The following ADAMTSL1 variants were observed in gnomAD, a reference collection of about 807,000 sequenced individuals.
ADAMTSL1 encodes ADAMTS-like protein 1.
Under a neutral mutation model 201.8 loss-of-function variants are expected in ADAMTSL1, and 126 were observed. The observed-to-expected ratio is 0.62, with a 90% CI of 0.54 to 0.72. The LOEUF is 0.72. Ranked by LOEUF, ADAMTSL1 falls within the 30% of genes least tolerant of loss-of-function variation. The pLI is 0.00. For missense variants in ADAMTSL1, 2,679 were observed against 2,277.8 expected (o/e 1.18, Z -3.59); for synonymous variants, 1,121 against 903.4 (o/e 1.24, Z -4.32).
chr9:18,101,809 C>G (rs1824535165), intron 1 of ADAMTSL1, among the ~76,000 whole-genome samples: 1 of 152,130 alleles, frequency 6.6e-6, no homozygotes, highest in Admixed American at 6.5e-5. Flanking sequence ...GCAGCTGGCC[C>G]TCGGCTCTAG....
At chr9:17,939,172 C>T (rs1755290) in intron 1 of ADAMTSL1, among the ~76,000 whole-genome samples, 97,812 of 152,036 alleles carry the variant, frequency 0.64, 31,805 homozygotes, top group East Asian at 0.94. Flanking sequence ...CCAGAAAATT[C>T]TCTTTATCTC....
intron 2 of ADAMTSL1, among the ~76,000 whole-genome samples, chr9:18,425,848 C>T (rs1819189512): frequency 7.3e-6 from 1 of 136,634 alleles, no homozygotes; most frequent in Non-Finnish European, 1.6e-5. Context: ...ACAGTAAGAT[C>T]CCTGTCTCAA....
chr9:18,407,950 C>T lies in ADAMTSL1; in HGVS notation c.208-96879C>T, dbSNP rs186486812. 3.7e-4 allele frequency among the ~76,000 whole-genome samples: 56 copies of T among 151,966 alleles called. No individual in the cohort carries two copies. In the East Asian group the frequency reaches 6.0e-3, roughly 16 times the overall value. On this transcript the variant is annotated intron_variant, in intron 2 of 29. Coordinates refer to the ADAMTSL1 transcript ENST00000680146. The stretch of plus-strand genomic sequence containing the variant: ...CAATGTTATAGGGGATGTTTCAGTT[C>T]GAATAAAAAAGACTGTAACATTTTT...
chr9:18,516,879 A>G (rs1000303351), intron 2 of ADAMTSL1, among the ~76,000 whole-genome samples: 1 of 152,224 alleles, frequency 6.6e-6, no homozygotes, highest in Non-Finnish European at 1.5e-5. Flanking sequence ...TGCTCTTCAT[A>G]TAAATGGTTT....
At position 18,014,685 on chromosome 9, in the gene ADAMTSL1, T is replaced by A. The variant is rs553703406; in HGVS notation, c.87+107763T>A. Reference sequence around the variant, plus strand: ...AAGCAAAGTTGTTAATGCTGAAGGATCATGTTGGATCAGTGGGAATTGCTT... The same window carrying A: ...AAGCAAAGTTGTTAATGCTGAAGGAACATGTTGGATCAGTGGGAATTGCTT... On this transcript the variant is annotated intron_variant, in intron 1 of 29. Coordinates refer to the ADAMTSL1 transcript ENST00000680146. Among the ~76,000 whole-genome samples the A allele has an allele frequency of 4.0e-5, 6 of 150,324 alleles. No homozygotes were observed. The South Asian group carries it at 1.2e-3, about 31-fold the overall frequency.
At chr9:18,401,843 A>G (rs963001692) in intron 2 of ADAMTSL1, among the ~76,000 whole-genome samples, 1 of 152,144 alleles carries the variant, frequency 6.6e-6, no homozygotes, top group Non-Finnish European at 1.5e-5. Flanking sequence ...CTTCCCCTTA[A>G]TGGAAGCTGT....
intron 2 of ADAMTSL1, among the ~76,000 whole-genome samples, chr9:18,356,338 A>G (rs1836226493): frequency 6.6e-6 from 1 of 151,906 alleles, no homozygotes; most frequent in African/African-American, 2.4e-5. Context: ...GTGGGGTTTC[A>G]CCAGGGACCC....
intron 13 of ADAMTSL1, among the ~76,000 whole-genome samples, chr9:18,698,573 A>G (rs1322621935): frequency 6.6e-6 from 1 of 152,200 alleles, no homozygotes; most frequent in Non-Finnish European, 1.5e-5. Context: ...AAAGTAAGCC[A>G]CCATGCCTGG....
intron 2 of ADAMTSL1, among the ~76,000 whole-genome samples, chr9:18,401,859 G>A (rs901044223): frequency 6.6e-6 from 1 of 152,102 alleles, no homozygotes; most frequent in Non-Finnish European, 1.5e-5. Flanking sequence ...GCTGTGGGAG[G>A]ACCGTTCTCA....
chr9:18,375,334 T>C (rs1243526853), intron 2 of ADAMTSL1, among the ~76,000 whole-genome samples: 4 of 149,736 alleles, frequency 2.7e-5, no homozygotes, highest in Non-Finnish European at 5.9e-5. Context: ...TAATTGCTAT[T>C]TTTTTTATTT....
At chr9:18,329,260 C>G (rs917339515) in intron 2 of ADAMTSL1, among the ~76,000 whole-genome samples, 9 of 152,166 alleles carry the variant, frequency 5.9e-5, no homozygotes, top group Non-Finnish European at 8.8e-5. Flanking sequence ...TTCCCAGCCT[C>G]TAGAACTGTG....
rs1045197457 is a variant in ADAMTSL1 at position 18,795,617 on chromosome 9, A to T, written c.3805+93A>T. On this transcript the variant is annotated intron_variant, in intron 20 of 28. Coordinates refer to ENST00000380548, the MANE Select transcript of ADAMTSL1 (RefSeq NM_001040272.6). ...AACAGGCCCAGAGATGCATAGATAAAGGAGACCCAGATCCCATCTTCAGGG... is the reference window on the plus strand; with the variant it reads ...AACAGGCCCAGAGATGCATAGATAATGGAGACCCAGATCCCATCTTCAGGG... The T allele has an allele frequency of 2.2e-6, 3 of 1,335,208 alleles. No homozygotes were observed. In the African/African-American group the frequency reaches 4.4e-5, roughly 20 times the overall value. 82.7% of individuals were successfully genotyped at this position (1,335,208 alleles called of 1,614,324 possible).
At chr9:18,092,227 A>T (rs184208211) in intron 1 of ADAMTSL1, among the ~76,000 whole-genome samples, 10 of 152,152 alleles carry the variant, frequency 6.6e-5, no homozygotes, top group South Asian at 4.1e-4. Flanking sequence ...ACAGACATAT[A>T]AAAAGGCAAT....
intron 13 of ADAMTSL1, among the ~76,000 whole-genome samples, chr9:18,698,338 T>C (rs1480030173): frequency 3.9e-5 from 6 of 152,128 alleles, no homozygotes; most frequent in Non-Finnish European, 5.9e-5. Context: ...TGGAGTGCAG[T>C]GGCATGATGA....
At chr9:18,259,954 T>A (rs529597066) in intron 2 of ADAMTSL1, among the ~76,000 whole-genome samples, 2 of 152,332 alleles carry the variant, frequency 1.3e-5, no homozygotes, top group South Asian at 4.1e-4. Context: ...TTTAACTCAT[T>A]CAAGGAGTTG....
chr9:18,764,143 A>C (rs984342530), intron 16 of ADAMTSL1, among the ~76,000 whole-genome samples: 1 of 152,096 alleles, frequency 6.6e-6, no homozygotes, highest in Non-Finnish European at 1.5e-5. Flanking sequence ...ATATTTTTCC[A>C]TTTTTTGATG....
rs866908147 is a variant in ADAMTSL1, at chr9:18,826,415, G to A, written c.4066G>A (p.Ala1356Thr). The change falls in exon 22 of 29, where the codon GCC (alanine) becomes ACC (threonine). Residue 1356 changes from alanine to threonine, a missense_variant. Transcript: ENST00000380548. ...TCAGGGCCTGTACTCCTGCAGGGCG[G>A]CCAATCTTCATGGAGAGCTGACTGA... ...SDQGLYSCRAANLHGELTEST... is the reference protein window; with the variant it reads ...SDQGLYSCRATNLHGELTEST... The A allele has an allele frequency of 6.2e-7, 1 of 1,613,734 alleles. No homozygotes were observed. The highest frequency in any genetic ancestry group is 8.5e-7 in the Non-Finnish European group (1 of 1,179,804).
At chr9:17,933,826 C>G (rs1391776402) in intron 1 of ADAMTSL1, among the ~76,000 whole-genome samples, 1 of 152,150 alleles carries the variant, frequency 6.6e-6, no homozygotes, top group Non-Finnish European at 1.5e-5. Context: ...TCGCCTCCCA[C>G]CAGGCCCCTC....
At chr9:18,253,819 A>C (rs1219888150) in intron 2 of ADAMTSL1, among the ~76,000 whole-genome samples, 1 of 152,194 alleles carries the variant, frequency 6.6e-6, no homozygotes, top group African/African-American at 2.4e-5. Flanking sequence ...CTAGAATCTT[A>C]GCTTCACACA....
Sources: allele counts gnomAD v4.1 joint callset (sites outside exome capture counted in the v4.1 genomes callset), GRCh38; gene constraint gnomAD v4.1.1; transcripts MANE v1.5; gene names NCBI Gene and HGNC (gene_info 2026-07-23, HGNC 2026-07-21).